Variants in PPP3CA observed in about 807,000 individuals in gnomAD.
PPP3CA encodes the protein CAM-PRP catalytic subunit.
A neutral mutation model predicts 66.5 loss-of-function variants in PPP3CA; 14 were observed. The ratio of observed to expected loss-of-function variants is 0.21; its 90% CI spans 0.14 to 0.33. PPP3CA has a LOEUF of 0.33. Ranked by LOEUF, PPP3CA falls within the 10% of genes least tolerant of loss-of-function variation. PPP3CA has a pLI of 1.00. For missense variants in PPP3CA, 317 were observed against 639.5 expected (o/e 0.50, Z 5.44); for synonymous variants, 232 against 226.2 (o/e 1.03, Z -0.23).
chr4:101,271,790 A>T (rs1043488784), intron 1 of PPP3CA, among the ~76,000 whole-genome samples: 7 of 152,044 alleles, frequency 4.6e-5, no homozygotes, highest in South Asian at 2.1e-4. Context: ...TAGTGTAGAT[A>T]AACCACAAAC....
intron 2 of PPP3CA, among the ~76,000 whole-genome samples, chr4:101,136,120 A>G (rs1408944059): frequency 6.6e-6 from 1 of 152,242 alleles, no homozygotes; most frequent in African/African-American, 2.4e-5. Context: ...TTTTCCTATC[A>G]CTTAGAATCT....
At chr4:101,085,436 T>C (rs1025914609) in intron 6 of PPP3CA, among the ~76,000 whole-genome samples, 16 of 152,214 alleles carry the variant, frequency 1.1e-4, no homozygotes, top group Non-Finnish European at 1.9e-4. Flanking sequence ...GTGTTTAAGC[T>C]AAGTTTTTCC....
intron 3 of PPP3CA, among the ~76,000 whole-genome samples, chr4:101,108,654 T>C (rs1173573279): frequency 6.6e-6 from 1 of 152,118 alleles, no homozygotes; most frequent in Non-Finnish European, 1.5e-5. Context: ...TAATCCCAGC[T>C]ACTCAGGAGG....
intron 10 of PPP3CA, among the ~76,000 whole-genome samples, chr4:101,058,497 G>T (rs1234150612): frequency 6.6e-6 from 1 of 151,992 alleles, no homozygotes; most frequent in African/African-American, 2.4e-5. Flanking sequence ...TTCTCTGCAG[G>T]ACTGACTTAA....
intron 10 of PPP3CA, among the ~76,000 whole-genome samples, chr4:101,043,480 G>A (rs1481641669): frequency 6.6e-6 from 1 of 150,814 alleles, no homozygotes; most frequent in African/African-American, 2.4e-5. Context: ...GCATATAAAA[G>A]ATATTCTACT....
Position 101,233,770 on chromosome 4 carries a change from T to C in PPP3CA, c.59-37654A>G, listed in dbSNP as rs1470117236. On this transcript the variant is annotated intron_variant, in intron 1 of 13. Transcript: ENST00000394854. ...TTAACTTTTATTTTAGGTGCAGGGG[T>C]ACATGTGCAGGTTTGTGATATAGGT... Among the ~76,000 whole-genome samples, 5 of 151,198 alleles carry C rather than the reference T, an allele frequency of 3.3e-5. No individual in the cohort carries two copies. The South Asian group carries it at 8.3e-4, about 25-fold the overall frequency.
At chr4:101,195,741 T>G (rs1027482576) in intron 2 of PPP3CA, among the ~76,000 whole-genome samples, 175 bp downstream of exon 2, 1 of 152,184 alleles carries the variant, frequency 6.6e-6, no homozygotes, top group Non-Finnish European at 1.5e-5. Context: ...ATTTAACACA[T>G]GAAAATATGT....
intron 1 of PPP3CA, among the ~76,000 whole-genome samples, chr4:101,287,927 T>A (rs1727896574): frequency 6.6e-6 from 1 of 151,834 alleles, no homozygotes; most frequent in Admixed American, 6.5e-5. Context: ...AACAACCCAA[T>A]TCCTGCTGCA....
chr4:101,255,380 T>G (rs1199982917), intron 1 of PPP3CA, among the ~76,000 whole-genome samples: 1 of 152,078 alleles, frequency 6.6e-6, no homozygotes, highest in South Asian at 2.1e-4. Flanking sequence ...TCCATGTTAT[T>G]TACATGCGCT....
intron 2 of PPP3CA, among the ~76,000 whole-genome samples, chr4:101,137,039 A>C (rs1054225566): frequency 1.3e-5 from 2 of 152,174 alleles, no homozygotes; most frequent in African/African-American, 4.8e-5. Context: ...GGCAAATTTC[A>C]TAGTAGCTAA....
chr4:101,106,182 A>G (rs779556531), intron 3 of PPP3CA, among the ~76,000 whole-genome samples: 13 of 151,194 alleles, frequency 8.6e-5, no homozygotes, highest in Non-Finnish European at 1.9e-4. Context: ...TTAACTGGGC[A>G]TGGTGGTGTG....
chr4:101,292,758 A>T (rs1360562295), intron 1 of PPP3CA, among the ~76,000 whole-genome samples: 1 of 152,200 alleles, frequency 6.6e-6, no homozygotes, highest in African/African-American at 2.4e-5. Context: ...CCAAAAAACA[A>T]GGGGTTGGGT....
chr4:101,331,873 G>A (rs1460883243), intron 1 of PPP3CA, among the ~76,000 whole-genome samples: 2 of 152,050 alleles, frequency 1.3e-5, no homozygotes, highest in African/African-American at 4.8e-5. Flanking sequence ...GTCAAATTCC[G>A]TAATATACAG....
intron 11 of PPP3CA, among the ~76,000 whole-genome samples, chr4:101,037,040 G>C (rs1727284907): frequency 1.3e-5 from 2 of 152,274 alleles, no homozygotes; most frequent in South Asian, 4.1e-4. Context: ...AGAGCTCACA[G>C]ATCCAGAGAA....
chr4:101,092,043 A>T (rs1273720562), intron 6 of PPP3CA, among the ~76,000 whole-genome samples: 1 of 152,018 alleles, frequency 6.6e-6, no homozygotes, highest in African/African-American at 2.4e-5. Context: ...ATCTGGGAGG[A>T]TAAAACTGAG....
chr4:101,258,207 C>A (rs1307741552), intron 1 of PPP3CA, among the ~76,000 whole-genome samples: 2 of 152,026 alleles, frequency 1.3e-5, no homozygotes, highest in Non-Finnish European at 1.5e-5. Context: ...CTATAGAATA[C>A]AGAAGTTAAG....
chr4:101,031,576 T>C (rs1227793242), intron 12 of PPP3CA, among the ~76,000 whole-genome samples: 2 of 152,188 alleles, frequency 1.3e-5, no homozygotes, highest in Non-Finnish European at 2.9e-5. Context: ...TTATATTCCC[T>C]ATATGCTCAA....
intron 5 of PPP3CA, among the ~76,000 whole-genome samples, chr4:101,096,840 ACT>A (rs1430960529): frequency 2.6e-5 from 4 of 152,338 alleles, no homozygotes; most frequent in Admixed American, 6.5e-5. Flanking sequence ...ATGGGAAAAC[ACT>A]GTTTACTAAT....
chr4:101,151,486 G>A (rs2110298823), intron 2 of PPP3CA, among the ~76,000 whole-genome samples: 1 of 150,724 alleles, frequency 6.6e-6, no homozygotes, highest in Non-Finnish European at 1.5e-5. Flanking sequence ...TTGAACCCGG[G>A]AGGTGGAGGT....
Sources: gnomAD v4.1 joint callset for allele counts (sites outside exome capture counted in the v4.1 genomes callset) on GRCh38, gnomAD v4.1.1 for gene constraint, MANE v1.5 for transcripts, NCBI Gene and HGNC (gene_info 2026-07-23, HGNC 2026-07-21) for gene names.